NOS1AP: variants seen among roughly 807,000 people sequenced by gnomAD.
NOS1AP encodes the protein nitric oxide synthase 1 adaptor protein.
NOS1AP carries 21 observed loss-of-function variants against 56.2 expected under a neutral mutation model. The observed-to-expected ratio is 0.37, with a 90% confidence interval of 0.26 to 0.54. NOS1AP has a LOEUF of 0.54. NOS1AP is among the 20% of genes least tolerant of loss of function. The pLI is 0.84. For missense variants in NOS1AP, 522 were observed against 657.8 expected (o/e 0.79, Z 2.26); for synonymous variants, 270 against 274.6 (o/e 0.98, Z 0.17).
chr1:162,186,083 T>C (rs1361717104), intron 2 of NOS1AP, among the ~76,000 whole-genome samples: 1 of 152,236 alleles, frequency 6.6e-6, no homozygotes, highest in Non-Finnish European at 1.5e-5. Flanking sequence ...AAAATAACAC[T>C]TGTAATTATG....
In NOS1AP at chr1:162,232,851, CATCTA is replaced by C. The variant is rs1347953905; in HGVS notation, c.178-54489_178-54485del. Among the ~76,000 whole-genome samples the C allele has an allele frequency of 2.2e-4, 33 of 152,286 alleles. No homozygotes were observed. In the East Asian group the frequency reaches 3.1e-3, roughly 14 times the overall value. ...TTTAAGTCCTTGTCATAAATGAACT[CATCTA>C]ATCCTCATAATAACCCTATGATACA... On this transcript the variant is annotated intron_variant, in intron 2 of 9. Transcript: ENST00000361897.
chr1:162,356,833 A>G, intron 7 of NOS1AP, 127 bp from the exon 8 acceptor site: 2 of 1,592,116 alleles, frequency 1.3e-6, no homozygotes, highest in Non-Finnish European at 1.7e-6. Context: ...CATTGAAGAT[A>G]TAGTGCTGTC....
intron 8 of NOS1AP, among the ~76,000 whole-genome samples, chr1:162,357,993 T>C (rs1226120849): frequency 6.6e-6 from 1 of 152,176 alleles, no homozygotes; most frequent in Non-Finnish European, 1.5e-5. Context: ...GGTCAGGGCC[T>C]GATGAGTGCA....
chr1:162,323,938 A>G (rs115303083), intron 4 of NOS1AP, among the ~76,000 whole-genome samples: 3,643 of 152,270 alleles, frequency 0.024, 66 homozygotes, highest in Non-Finnish European at 0.036. Flanking sequence ...TGCACTGGGA[A>G]GATTTTGCCT....
chr1:162,317,637 C>T (rs1169599689), intron 4 of NOS1AP: 1 of 152,176 alleles, frequency 6.6e-6, no homozygotes, highest in Non-Finnish European at 1.5e-5. Context: ...ACCCTTCCAG[C>T]CCTCGTATAT....
chr1:162,121,023 A>G (rs1236758286), intron 1 of NOS1AP, among the ~76,000 whole-genome samples: 4 of 151,516 alleles, frequency 2.6e-5, no homozygotes. Context: ...TGATCACTGC[A>G]AAGTCCTGTC....
At position 162,281,959 on chromosome 1, in the gene NOS1AP, G is replaced by A. The variant is rs577837268; in HGVS notation, c.178-5385G>A. Among the ~76,000 whole-genome samples the A allele has an allele frequency of 4.6e-3, 707 of 152,294 alleles. 13 individuals are homozygous for A. Among genetic ancestry groups the A allele is most frequent in the African/African-American group, 0.016 (683 of 41,550 alleles). On this transcript the variant is annotated intron_variant, in intron 2 of 9. Coordinates refer to ENST00000361897, the MANE Select transcript of NOS1AP (RefSeq NM_014697.3). ...TACTTAAAATACAAAAATTAGCTGG[G>A]CATGGTGGCAGGTGCCTGTAATCCC...
chr1:162,292,123 G>A (rs1655299523), intron 3 of NOS1AP, among the ~76,000 whole-genome samples: 1 of 152,200 alleles, frequency 6.6e-6, no homozygotes, highest in South Asian at 2.1e-4. Flanking sequence ...CCATGTTCAA[G>A]GATCTGCATA....
intron 3 of NOS1AP, among the ~76,000 whole-genome samples, chr1:162,290,286 G>C (rs1655246330): frequency 6.6e-6 from 1 of 152,184 alleles, no homozygotes; most frequent in Admixed American, 6.5e-5. Context: ...TCCGTTCCAG[G>C]GCCGTGGCTG....
intron 2 of NOS1AP, among the ~76,000 whole-genome samples, chr1:162,174,039 C>T (rs1181480387): frequency 3.9e-5 from 6 of 152,156 alleles, no homozygotes; most frequent in Non-Finnish European, 7.3e-5. Context: ...TACCATTTGA[C>T]CCAGCCATCC....
chr1:162,155,090 T>C lies in NOS1AP; in HGVS notation c.177+614T>C, dbSNP rs150946862. Among the ~76,000 whole-genome samples the C allele has an allele frequency of 8.3e-3, 1,261 of 151,710 alleles. 8 individuals carry two copies. Among genetic ancestry groups the C allele is most frequent in the South Asian group, 0.024 (112 of 4,762 alleles). On this transcript the variant is annotated intron_variant, in intron 2 of 9. Transcript: ENST00000361897. ...GCCTGGATAAGGGAGGACAAAGAAATTGGCTTGATTAGGGTATTCGAGGGT... is the reference window on the plus strand; with the variant it reads ...GCCTGGATAAGGGAGGACAAAGAAACTGGCTTGATTAGGGTATTCGAGGGT...
chr1:162,296,322 T>C (rs1359059670), intron 3 of NOS1AP, among the ~76,000 whole-genome samples: 2 of 152,164 alleles, frequency 1.3e-5, no homozygotes, highest in Non-Finnish European at 2.9e-5. Context: ...TTGCATTAGC[T>C]TCTTGAATAA....
Position 162,229,889 on chromosome 1 carries a change from A to G in NOS1AP, c.178-57455A>G, listed in dbSNP as rs192687318. On this transcript the variant is annotated intron_variant, in intron 2 of 9. Transcript: ENST00000361897. ...TCTCAACTGCTCAAAGCCTTGTGAC[A>G]CTTCTTCAGCAACTTTTTTCATTAC... Among the ~76,000 whole-genome samples, 192 of 152,280 alleles carry G rather than the reference A, an allele frequency of 1.3e-3. 1 individual carries two copies. Among genetic ancestry groups the G allele is most frequent in the Admixed American group, 4.0e-3 (61 of 15,294 alleles).
chr1:162,187,036 G>A (rs768303791), intron 2 of NOS1AP, among the ~76,000 whole-genome samples: 2 of 151,910 alleles, frequency 1.3e-5, no homozygotes, highest in Non-Finnish European at 2.9e-5. Flanking sequence ...ACCTGATCTC[G>A]GCTCACTACA....
chr1:162,144,568 CTTTCT>C (rs10589803), intron 1 of NOS1AP, among the ~76,000 whole-genome samples: 111,198 of 151,382 alleles, frequency 0.73, 41,488 homozygotes, highest in African/African-American at 0.83. Context: ...ATGTGTTGGA[CTTTCT>C]TTTCTTTTCT....
rs559347481 is a variant in NOS1AP at position 162,369,707 on chromosome 1, T to G, written c.*2240T>G. 3 of 152,390 alleles carry G rather than the reference T, an allele frequency of 2.0e-5. No homozygotes were observed. Among genetic ancestry groups the G allele is most frequent in the Admixed American group, 2.0e-4 (3 of 15,306 alleles). 9.4% of individuals were successfully genotyped at this position (152,390 alleles called of 1,614,324 possible). On this transcript the variant is annotated 3_prime_UTR_variant, in exon 10 of 10. Coordinates refer to ENST00000361897, the MANE Select transcript of NOS1AP (RefSeq NM_014697.3). ...CCATCCAAGACTCCTGCCCTTGGGG[T>G]GTTCCATGGTGGTTTCTTCCTGCCT...
intron 1 of NOS1AP, among the ~76,000 whole-genome samples, chr1:162,140,879 G>A (rs967783458): frequency 6.6e-6 from 1 of 152,086 alleles, no homozygotes; most frequent in African/African-American, 2.4e-5. Flanking sequence ...GTTTCGATTC[G>A]CATTTCTCTA....
At chr1:162,352,695 G>C (rs898582944) in intron 6 of NOS1AP, among the ~76,000 whole-genome samples, 1 of 151,844 alleles carries the variant, frequency 6.6e-6, no homozygotes, top group African/African-American at 2.4e-5. Context: ...GGTGGAAAGA[G>C]AGGGATCTCC....
chr1:162,170,940 C>CAAAAAAAAAAAA (rs71650179), intron 2 of NOS1AP, among the ~76,000 whole-genome samples: 1 of 128,316 alleles, frequency 7.8e-6, no homozygotes. Context: ...AACTCCATCT[C>CAAAAAAAAAAAA]AAAAAAAAAA....
Sources: allele counts gnomAD v4.1 joint callset (sites outside exome capture counted in the v4.1 genomes callset), GRCh38; gene constraint gnomAD v4.1.1; transcripts MANE v1.5; gene names NCBI Gene and HGNC (gene_info 2026-07-23, HGNC 2026-07-21).